The following DCC variants were observed in gnomAD, a reference collection of about 807,000 sequenced individuals.
DCC encodes DCC netrin 1 receptor.
In DCC, 58 loss-of-function variants were observed where a neutral mutation model predicts 172.5. The ratio of observed to expected loss-of-function variants is 0.34; its 90% CI spans 0.27 to 0.42. The LOEUF (loss-of-function observed/expected upper bound fraction) is 0.42. Among genes scored for constraint, DCC ranks in the 10% least tolerant of loss-of-function variants. DCC has a pLI of 1.00. For missense variants in DCC, 1,740 were observed against 1,791.0 expected, an observed-to-expected ratio of 0.97 and a Z score of 0.51; for synonymous variants, 709 against 644.5, an observed-to-expected ratio of 1.10 and a Z score of -1.52.
chr18:53,014,697 G>C (rs1224359625), intron 5 of DCC, among the ~76,000 whole-genome samples: 1 of 152,024 alleles, frequency 6.6e-6, no homozygotes, highest in African/African-American at 2.4e-5. Context: ...AGGCACCTAT[G>C]AGAAGGCTCA....
intron 26 of DCC, among the ~76,000 whole-genome samples, chr18:53,495,652 C>T (rs2046013442): frequency 6.6e-6 from 1 of 152,022 alleles, no homozygotes; most frequent in African/African-American, 2.4e-5. Context: ...TCTGTATTTC[C>T]TGAATTTGAA....
intron 2 of DCC, among the ~76,000 whole-genome samples, chr18:52,793,927 T>TA (rs1253112835): frequency 6.6e-6 from 1 of 152,182 alleles, no homozygotes; most frequent in African/African-American, 2.4e-5. Context: ...GTGCCTTTTT[T>TA]AAAAAATCAG....
chr18:53,245,364 T>C (rs1226999112), intron 12 of DCC, among the ~76,000 whole-genome samples: 1 of 152,174 alleles, frequency 6.6e-6, no homozygotes, highest in Non-Finnish European at 1.5e-5. Context: ...ACAGACTACC[T>C]TAGGCTGTGT....
In DCC at chr18:53,362,395, C is replaced by T. The variant is rs111363385; in HGVS notation, c.2359+22488C>T. On this transcript the variant is annotated intron_variant, in intron 15 of 28. Coordinates refer to ENST00000442544, the MANE Select transcript of DCC (RefSeq NM_005215.4). Reference sequence around the variant, plus strand: ...ATTTTTCACTTATCTGAATGGGAGCCGGAAGTGCTTTAAAGTTTCAGAATG... The same window carrying T: ...ATTTTTCACTTATCTGAATGGGAGCTGGAAGTGCTTTAAAGTTTCAGAATG... Among the ~76,000 whole-genome samples the T allele has an allele frequency of 3.9e-3, 592 of 152,172 alleles. 5 individuals are homozygous for T. Among genetic ancestry groups the T allele is most frequent in the Non-Finnish European group, 7.2e-3 (491 of 68,008 alleles).
intron 15 of DCC, among the ~76,000 whole-genome samples, chr18:53,354,297 C>A (rs1253277303): frequency 6.6e-6 from 1 of 152,146 alleles, no homozygotes; most frequent in Non-Finnish European, 1.5e-5. Flanking sequence ...ATGGCTGAGT[C>A]AAATGGTATT....
At chr18:53,519,535 T>C (rs1455750699) in intron 27 of DCC, among the ~76,000 whole-genome samples, 2 of 151,982 alleles carry the variant, frequency 1.3e-5, no homozygotes, top group African/African-American at 2.4e-5. Context: ...AGTGTTTTTT[T>C]TTTTTTTCTT....
At chr18:53,452,516 G>A (rs1319402839) in intron 23 of DCC, among the ~76,000 whole-genome samples, 1 of 152,082 alleles carries the variant, frequency 6.6e-6, no homozygotes, top group East Asian at 1.9e-4. Context: ...GTGGGATTTG[G>A]TGCCATGTTG....
At chr18:52,818,787 A>C (rs6508163) in intron 2 of DCC, among the ~76,000 whole-genome samples, 149,200 of 152,266 alleles carry the variant, frequency 0.98, 73,174 homozygotes, top group Middle Eastern at 1. Context: ...CATAACACAG[A>C]TAAATTGAAA....
intron 1 of DCC, among the ~76,000 whole-genome samples, chr18:52,716,717 C>A (rs2036389844): frequency 1.3e-5 from 2 of 152,214 alleles, no homozygotes; most frequent in South Asian, 4.1e-4. Flanking sequence ...CCGTTTAACT[C>A]CATGAGCCTC....
chr18:52,698,952 G>T (rs1263672706), intron 1 of DCC, among the ~76,000 whole-genome samples: 1 of 152,096 alleles, frequency 6.6e-6, no homozygotes. Flanking sequence ...GCATAGGAAA[G>T]GTAGTGGCCT....
At chr18:53,477,550 C>T (rs911238302) in intron 25 of DCC, among the ~76,000 whole-genome samples, 29 of 152,028 alleles carry the variant, frequency 1.9e-4, no homozygotes, top group African/African-American at 6.5e-4. Context: ...ATATAAAGAT[C>T]GTTGCTATTT....
intron 1 of DCC, among the ~76,000 whole-genome samples, chr18:52,655,269 T>G (rs1171720629): frequency 1.3e-5 from 2 of 152,102 alleles, no homozygotes; most frequent in Non-Finnish European, 2.9e-5. Flanking sequence ...GCCTACTAAG[T>G]CACAGGTGAA....
intron 1 of DCC, among the ~76,000 whole-genome samples, chr18:52,475,452 G>A (rs546445260): frequency 4.6e-4 from 70 of 152,100 alleles, no homozygotes; most frequent in African/African-American, 1.3e-3. Context: ...TGCTTGGCCC[G>A]TAATTACTTT....
intron 7 of DCC, among the ~76,000 whole-genome samples, chr18:53,118,823 C>T (rs1598820347): frequency 2.6e-5 from 4 of 151,612 alleles, no homozygotes; most frequent in South Asian, 2.1e-4. Context: ...CAAAGCCTGT[C>T]GGGAGGCATT....
At chr18:52,421,868 G>A (rs1987261955) in intron 1 of DCC, among the ~76,000 whole-genome samples, 1 of 152,060 alleles carries the variant, frequency 6.6e-6, no homozygotes, top group Non-Finnish European at 1.5e-5. Context: ...CGGCCCAATG[G>A]CCCCTGCACT....
chr18:52,497,606 AT>A (rs2030852093), intron 1 of DCC, among the ~76,000 whole-genome samples: 1 of 151,962 alleles, frequency 6.6e-6, no homozygotes, highest in Non-Finnish European at 1.5e-5. Flanking sequence ...TGATTTTTAA[AT>A]TTTAGGATGA....
At chr18:52,882,165 G>A (rs978747522) in intron 2 of DCC, among the ~76,000 whole-genome samples, 3 of 151,968 alleles carry the variant, frequency 2.0e-5, no homozygotes, top group African/African-American at 7.2e-5. Context: ...TACTGAATGT[G>A]TTTATCAGTT....
chr18:52,629,626 C>T (rs2034636289), intron 1 of DCC, among the ~76,000 whole-genome samples: 1 of 152,000 alleles, frequency 6.6e-6, no homozygotes, highest in African/African-American at 2.4e-5. Flanking sequence ...ACCAGCCTGC[C>T]CAATATGGTG....
chr18:52,430,347 G>A (rs1379722209), intron 1 of DCC, among the ~76,000 whole-genome samples: 1 of 131,590 alleles, frequency 7.6e-6, no homozygotes, highest in Non-Finnish European at 1.6e-5. Context: ...CAACGGTGGT[G>A]AGGGAGAAAA....
Sources: allele counts gnomAD v4.1 joint callset (sites outside exome capture counted in the v4.1 genomes callset), GRCh38; gene constraint gnomAD v4.1.1; transcripts MANE v1.5; gene names NCBI Gene and HGNC (gene_info 2026-07-23, HGNC 2026-07-21).